The following JAK2 variants were observed in gnomAD, a reference collection of about 807,000 sequenced individuals.
JAK2 encodes the protein Janus kinase 2, also known as tyrosine-protein kinase JAK2.
Under a neutral mutation model 139.3 loss-of-function variants are expected in JAK2, and 86 were observed. The observed-to-expected ratio is 0.62, with a 90% CI of 0.52 to 0.74. JAK2 has a LOEUF of 0.74. Among genes scored for constraint, JAK2 ranks in the 30% least tolerant of loss-of-function variants. The pLI is 0.00. For synonymous variants in JAK2, 490 were observed against 437.7 expected (o/e 1.12, Z -1.49); for missense variants, 1,421 against 1,360.3 (o/e 1.04, Z -0.70).
Position 5,090,888 on chromosome 9 carries a change from A to T in JAK2, c.3036A>T (p.Glu1012Asp), listed in dbSNP as rs1454681409. ...ACAAAGAATACTATAAAGTAAAAGA[A>T]CCTGGTGAAAGTCCCATATTCTGGT... The part of the protein sequence containing the change: ...PQDKEYYKVK[E>D]PGESPIFWYA... Residue 1012 changes from glutamate to aspartate, a missense_variant, in exon 22 of 25, where the codon GAA becomes GAT. Coordinates refer to ENST00000381652, the MANE Select transcript of JAK2 (RefSeq NM_004972.4). 6.2e-7 allele frequency: 1 copy of T among 1,605,422 alleles called. No homozygotes were observed. The highest frequency in any genetic ancestry group is 8.5e-7 in the Non-Finnish European group (1 of 1,177,302).
rs942171944 is a variant in JAK2, at chr9:5,050,905, T to C, written c.614+74T>C. ...ATATAATTCGTATATATTTTCTGTG[T>C]TTACCCATGCCTTTTGATTTTGTAA... On this transcript the variant is annotated intron_variant, in intron 6 of 24. Coordinates refer to ENST00000381652, the MANE Select transcript of JAK2 (RefSeq NM_004972.4). 1.5e-5 allele frequency: 19 copies of C among 1,301,362 alleles called. No homozygotes were observed. The African/African-American group carries it at 2.2e-4, about 15-fold the overall frequency. 80.6% of individuals were successfully genotyped at this position (1,301,362 alleles called of 1,614,324 possible). A position where few individuals can be genotyped will look rare whatever the true frequency, so the allele number is the denominator to read the frequency against.
At chr9:5,086,934 C>G (rs868023394) in intron 19 of JAK2, among the ~76,000 whole-genome samples, 2 of 152,162 alleles carry the variant, frequency 1.3e-5, no homozygotes, top group African/African-American at 4.8e-5. Context: ...ATCACCCCCC[C>G]TTCCCTTGAT....
intron 4 of JAK2, among the ~76,000 whole-genome samples, chr9:5,038,636 T>G: frequency 6.6e-6 from 1 of 150,848 alleles, no homozygotes; most frequent in African/African-American, 2.4e-5. Flanking sequence ...ATTTGCAGAG[T>G]ATACGCTGGT....
intron 22 of JAK2, among the ~76,000 whole-genome samples, chr9:5,093,414 A>G (rs1820736887): frequency 6.6e-6 from 1 of 152,168 alleles, no homozygotes; most frequent in African/African-American, 2.4e-5. Flanking sequence ...AGGGACTTAG[A>G]AGAATGGCCA....
chr9:5,017,287 A>C (rs564615914), intron 2 of JAK2, among the ~76,000 whole-genome samples: 138 of 152,298 alleles, frequency 9.1e-4, no homozygotes, highest in Non-Finnish European at 1.8e-4. Context: ...CAGCAGGAAA[A>C]AGTGAGTCCT....
chr9:5,000,414 G>A (rs1023479678), intron 2 of JAK2, among the ~76,000 whole-genome samples: 1 of 151,946 alleles, frequency 6.6e-6, no homozygotes, highest in African/African-American at 2.4e-5. Flanking sequence ...TTTTTAAAAG[G>A]GTATTTACAA....
intron 22 of JAK2, among the ~76,000 whole-genome samples, chr9:5,102,732 C>T (rs2130754939): frequency 6.6e-6 from 1 of 152,222 alleles, no homozygotes; most frequent in African/African-American, 2.4e-5. Flanking sequence ...GAGTGGAGGC[C>T]AATATTCAAC....
intron 5 of JAK2, among the ~76,000 whole-genome samples, chr9:5,046,410 C>T (rs1177244198): frequency 6.6e-6 from 1 of 152,072 alleles, no homozygotes; most frequent in Non-Finnish European, 1.5e-5. Context: ...TTAAATTTGG[C>T]TGTATTCTAA....
chr9:5,087,501 C>CCTAT (rs111349040), intron 19 of JAK2, among the ~76,000 whole-genome samples: 16,633 of 111,142 alleles, frequency 0.15, 2,777 homozygotes, highest in African/African-American at 0.46. Flanking sequence ...CTTTCCTGGT[C>CCTAT]CTATCTCAAA....
intron 2 of JAK2, among the ~76,000 whole-genome samples, chr9:5,004,873 A>G (rs1821175053): frequency 6.7e-6 from 1 of 150,348 alleles, no homozygotes; most frequent in Admixed American, 6.6e-5. Context: ...GCATTTAGTG[A>G]TGTTGAACGT....
intron 22 of JAK2, among the ~76,000 whole-genome samples, chr9:5,113,336 G>A (rs1305876224): frequency 6.7e-6 from 1 of 149,618 alleles, no homozygotes; most frequent in Admixed American, 6.7e-5. Context: ...GAGATGCTGT[G>A]GAAACTTGGC....
intron 8 of JAK2, among the ~76,000 whole-genome samples, chr9:5,063,895 C>T (rs1214218484): frequency 1.1e-4 from 17 of 152,226 alleles, no homozygotes; most frequent in South Asian, 2.1e-4. Flanking sequence ...TGGTGACTCA[C>T]GCGTGTAATC....
intron 19 of JAK2, among the ~76,000 whole-genome samples, chr9:5,082,845 A>T (rs1056771626): frequency 2.0e-5 from 3 of 152,222 alleles, no homozygotes; most frequent in African/African-American, 7.2e-5. Flanking sequence ...CATACAACAC[A>T]TATTTTTGTG....
rs115958639 is a variant in JAK2, at chr9:5,129,236, A to C, written c.*2445A>C. On this transcript the variant is annotated 3_prime_UTR_variant, in exon 25 of 25. Coordinates refer to ENST00000381652, the MANE Select transcript of JAK2 (RefSeq NM_004972.4). ...GTGCTCACTTTATTGAGCCTATGTT[A>C]ATTTCTTTAGCATGCTCCCCCTAAA... 6.1e-3 allele frequency among the ~76,000 whole-genome samples: 929 copies of C among 152,084 alleles called. 8 individuals are homozygous for C. The highest frequency in any genetic ancestry group is 0.02 in the African/African-American group (839 of 41,522).
chr9:5,057,771 C>T (rs1586716591), intron 8 of JAK2, among the ~76,000 whole-genome samples: 1 of 151,738 alleles, frequency 6.6e-6, no homozygotes, highest in Admixed American at 6.6e-5. Flanking sequence ...TTAGTAGAGA[C>T]GGGGTTTCAC....
chr9:5,087,440 T>C (rs960085749), intron 19 of JAK2, among the ~76,000 whole-genome samples: 3 of 151,216 alleles, frequency 2.0e-5, no homozygotes, highest in Admixed American at 2.0e-4. Context: ...CAATTCAAGA[T>C]GAGATTTGGG....
intron 2 of JAK2, among the ~76,000 whole-genome samples, chr9:4,995,914 C>A (rs981948100): frequency 6.6e-6 from 1 of 151,938 alleles, no homozygotes; most frequent in African/African-American, 2.4e-5. Flanking sequence ...CATTTGCTAA[C>A]TTATGTGTCT....
At chr9:5,037,753 GT>G (rs1224207832) in intron 4 of JAK2, among the ~76,000 whole-genome samples, 2 of 152,140 alleles carry the variant, frequency 1.3e-5, no homozygotes, top group Admixed American at 1.3e-4. Flanking sequence ...TATACCTAAT[GT>G]TAAATGACGA....
chr9:5,018,851 C>T (rs1822234976), intron 2 of JAK2, among the ~76,000 whole-genome samples: 1 of 152,154 alleles, frequency 6.6e-6, no homozygotes, highest in African/African-American at 2.4e-5. Flanking sequence ...TCTTCCTGGC[C>T]TGTAATGATT....
Sources: gnomAD v4.1 joint callset for allele counts (sites outside exome capture counted in the v4.1 genomes callset) on GRCh38, gnomAD v4.1.1 for gene constraint, MANE v1.5 for transcripts, NCBI Gene and HGNC (gene_info 2026-07-23, HGNC 2026-07-21) for gene names.